Variants in PKHD1 observed in about 807,000 individuals in gnomAD.
The protein encoded by PKHD1 is fibrocystin.
A neutral mutation model predicts 412.0 loss-of-function variants in PKHD1; 291 were observed. The observed-to-expected ratio is 0.71, with a 90% CI of 0.64 to 0.78. The LOEUF (loss-of-function observed/expected upper bound fraction) is 0.78, where lower values mean the gene tolerates loss of function less well. Ranked by LOEUF, PKHD1 falls within the 30% of genes least tolerant of loss-of-function variation. The pLI, the probability that PKHD1 is intolerant of heterozygous loss-of-function variation, is 0.00. For missense variants in PKHD1, 4,825 were observed against 4,950.7 expected, an observed-to-expected ratio of 0.97 and a Z score of 0.76; for synonymous variants, 1,777 against 1,821.5, an observed-to-expected ratio of 0.98 and a Z score of 0.62.
At chr6:51,845,709 C>A (rs1222044552) in intron 50 of PKHD1, among the ~76,000 whole-genome samples, 3 of 152,192 alleles carry the variant, frequency 2.0e-5, no homozygotes, top group Non-Finnish European at 2.9e-5. Context: ...CAGCTACTTA[C>A]ACAGATGTGC....
At chr6:52,045,600 T>C (rs929634771) in intron 24 of PKHD1, among the ~76,000 whole-genome samples, 8 of 152,224 alleles carry the variant, frequency 5.3e-5, no homozygotes, top group African/African-American at 1.9e-4. Flanking sequence ...ACCCTAAATA[T>C]GCAAGAGCAT....
At chr6:51,777,098 G>A (rs978386635) in intron 53 of PKHD1, among the ~76,000 whole-genome samples, 5 of 152,064 alleles carry the variant, frequency 3.3e-5, no homozygotes, top group African/African-American at 9.7e-5. Flanking sequence ...TATCAAATGC[G>A]ACTTCCCAGT....
intron 52 of PKHD1, among the ~76,000 whole-genome samples, chr6:51,822,933 T>C (rs1477928699): frequency 6.6e-6 from 1 of 152,184 alleles, no homozygotes; most frequent in Non-Finnish European, 1.5e-5. Context: ...GCAGCCATCA[T>C]TGCATTTACT....
intron 16 of PKHD1, among the ~76,000 whole-genome samples, chr6:52,057,723 A>G (rs934229911): frequency 6.6e-6 from 1 of 152,088 alleles, no homozygotes; most frequent in Admixed American, 6.6e-5. Context: ...CCAGCTTTTA[A>G]TCTCTTAAAT....
chr6:51,647,858 A>T (rs942177414), intron 63 of PKHD1, among the ~76,000 whole-genome samples, 173 bp downstream of exon 63: 5 of 152,192 alleles, frequency 3.3e-5, no homozygotes, highest in Admixed American at 3.3e-4. Context: ...TGCCAGCCTA[A>T]TCTTCCTTTT....
At chr6:51,799,117 G>C (rs950880268) in intron 52 of PKHD1, among the ~76,000 whole-genome samples, 1 of 95,912 alleles carries the variant, frequency 1.0e-5, no homozygotes, top group Non-Finnish European at 2.4e-5. Flanking sequence ...TCAGGACCTA[G>C]AAGAATAATA....
chr6:51,641,873 C>T (rs959997048), intron 63 of PKHD1, among the ~76,000 whole-genome samples: 6 of 151,978 alleles, frequency 3.9e-5, no homozygotes, highest in African/African-American at 1.5e-4. Flanking sequence ...GGGAGGGGAA[C>T]ATCACACACT....
At chr6:51,771,057 G>A (rs1459611611) in intron 55 of PKHD1, among the ~76,000 whole-genome samples, 3 of 151,970 alleles carry the variant, frequency 2.0e-5, no homozygotes, top group South Asian at 2.1e-4. Flanking sequence ...ACAACATACT[G>A]GCCTGCTTAC....
intron 50 of PKHD1, among the ~76,000 whole-genome samples, chr6:51,844,312 T>C (rs1310454356): frequency 6.6e-6 from 1 of 152,216 alleles, no homozygotes; most frequent in Non-Finnish European, 1.5e-5. Flanking sequence ...CCCCAAGCAC[T>C]GGCCATGAGC....
intron 52 of PKHD1, among the ~76,000 whole-genome samples, chr6:51,796,417 C>G (rs1437509552): frequency 7.5e-6 from 1 of 133,428 alleles, no homozygotes; most frequent in Non-Finnish European, 1.6e-5. Context: ...ATCTAGCTAG[C>G]AGTCTATTTA....
At chr6:51,717,412 CAA>C (rs60675116) in intron 60 of PKHD1, among the ~76,000 whole-genome samples, 2,077 of 123,288 alleles carry the variant, frequency 0.017, 19 homozygotes, top group Non-Finnish European at 0.026. Context: ...AACTCTGTCT[CAA>C]AAAAAAAAAA....
intron 64 of PKHD1, among the ~76,000 whole-genome samples, chr6:51,637,149 C>T (rs558766309): frequency 4.6e-5 from 7 of 152,238 alleles, no homozygotes; most frequent in East Asian, 1.9e-4. Context: ...AACTTGATAA[C>T]GTATTTGGTT....
intron 60 of PKHD1, among the ~76,000 whole-genome samples, chr6:51,682,497 T>C (rs991080049): frequency 6.6e-6 from 1 of 152,060 alleles, no homozygotes; most frequent in African/African-American, 2.4e-5. Context: ...AGCCCAGAAT[T>C]GGGATGCTCT....
chr6:51,903,216 A>T (rs1781543017), intron 43 of PKHD1, among the ~76,000 whole-genome samples: 1 of 152,228 alleles, frequency 6.6e-6, no homozygotes, highest in Non-Finnish European at 1.5e-5. Flanking sequence ...ATGCAAAATT[A>T]TAAATTATTT....
intron 28 of PKHD1, among the ~76,000 whole-genome samples, chr6:52,034,001 T>C (rs1803511076): frequency 6.6e-6 from 1 of 151,852 alleles, no homozygotes; most frequent in Admixed American, 6.6e-5. Context: ...TGGTGGTGCA[T>C]GCCTGTAATT....
chr6:51,870,481 G>C, intron 47 of PKHD1, 23 bp downstream of exon 47: 1 of 1,592,376 alleles, frequency 6.3e-7, no homozygotes, highest in Non-Finnish European at 8.6e-7. Context: ...TTTATCATCT[G>C]TTCTGTCTAT....
At chr6:51,749,075 G>A (rs568590624) in intron 57 of PKHD1, among the ~76,000 whole-genome samples, 4 of 152,256 alleles carry the variant, frequency 2.6e-5, no homozygotes, top group African/African-American at 9.6e-5. Context: ...GTGACACCAC[G>A]TGAAAGGCCA....
intron 61 of PKHD1, among the ~76,000 whole-genome samples, chr6:51,658,353 C>T (rs1772231286): frequency 6.6e-6 from 1 of 152,086 alleles, no homozygotes; most frequent in Admixed American, 6.6e-5. Context: ...GCTAAACTTT[C>T]ACTTGGATAT....
chr6:51,867,755 A>C, intron 48 of PKHD1, 108 bp downstream of exon 48: 1 of 1,044,714 alleles, frequency 9.6e-7, no homozygotes, highest in South Asian at 1.3e-5. Context: ...TTTAGAGCTA[A>C]ATACTTCAAA....
Sources: gnomAD v4.1 joint callset for allele counts (sites outside exome capture counted in the v4.1 genomes callset) on GRCh38, gnomAD v4.1.1 for gene constraint, MANE v1.5 for transcripts, NCBI Gene and HGNC (gene_info 2026-07-23, HGNC 2026-07-21) for gene names.